SGIP1: variants seen among roughly 807,000 people sequenced by gnomAD.
SGIP1 encodes SH3-containing GRB2-like protein 3-interacting protein 1.
Under a neutral mutation model 107.5 loss-of-function variants are expected in SGIP1, and 38 were observed. The observed-to-expected ratio is 0.35, with a 90% CI of 0.27 to 0.46. The LOEUF (loss-of-function observed/expected upper bound fraction) is 0.46, where lower values mean the gene tolerates loss of function less well. SGIP1 is among the 20% of genes least tolerant of loss of function. The pLI, the probability that SGIP1 is intolerant of heterozygous loss-of-function variation, is 1.00. For missense variants in SGIP1, 929 were observed against 1,019.5 expected (o/e 0.91, Z 1.21); for synonymous variants, 365 against 366.1 (o/e 1.00, Z 0.03).
At chr1:66,543,413 T>C (rs1191368157) in intron 1 of SGIP1, among the ~76,000 whole-genome samples, 1 of 152,130 alleles carries the variant, frequency 6.6e-6, no homozygotes, top group Non-Finnish European at 1.5e-5. Context: ...CATTTTAGAG[T>C]TGCAGAAACC....
rs74085119 is a variant in SGIP1, at chr1:66,569,264, A to G, written c.10+34896A>G. 3.0e-3 allele frequency among the ~76,000 whole-genome samples: 453 copies of G among 152,010 alleles called. 4 individuals are homozygous for G. The highest frequency in any genetic ancestry group is 0.01 in the African/African-American group (435 of 41,512). On this transcript the variant is annotated intron_variant, in intron 1 of 24. Transcript: ENST00000371037. ...TAGAAAGGGCTTTGGTGCAATGTTG[A>G]AAGGGAGTAGTGAGAGAGAACATCC...
At chr1:66,645,877 G>T (rs11208935) in intron 7 of SGIP1, among the ~76,000 whole-genome samples, 1 of 152,122 alleles carries the variant, frequency 6.6e-6, no homozygotes, top group East Asian at 1.9e-4. Flanking sequence ...GTCTTGCTCC[G>T]TTGCTCAGGC....
intron 18 of SGIP1, among the ~76,000 whole-genome samples, chr1:66,706,183 A>AT (rs1158883169): frequency 6.6e-6 from 1 of 151,160 alleles, no homozygotes; most frequent in Non-Finnish European, 1.5e-5. Context: ...AAAATCTGAA[A>AT]TGTTTTTGTT....
chr1:66,692,730 C>T (rs2090139177), intron 17 of SGIP1, among the ~76,000 whole-genome samples: 1 of 152,174 alleles, frequency 6.6e-6, no homozygotes, highest in Non-Finnish European at 1.5e-5. Context: ...TCCTATGGTA[C>T]TTGAACCAAA....
chr1:66,736,029 T>C, intron 21 of SGIP1, among the ~76,000 whole-genome samples: 1 of 150,556 alleles, frequency 6.6e-6, no homozygotes, highest in East Asian at 1.9e-4. Flanking sequence ...CTCAATCAAA[T>C]GCTGGTTCTG....
At chr1:66,635,422 A>G (rs7546149) in intron 3 of SGIP1, among the ~76,000 whole-genome samples, 10,121 of 152,286 alleles carry the variant, frequency 0.066, 486 homozygotes, top group Non-Finnish European at 0.099. Flanking sequence ...CATCAGGGTC[A>G]TAGCCTTTGC....
chr1:66,673,216 A>G, intron 11 of SGIP1, 65 bp from the exon 12 acceptor site: 1 of 1,487,796 alleles, frequency 6.7e-7, no homozygotes, highest in Non-Finnish European at 9.4e-7. Context: ...GAAAGCTTGT[A>G]TATCTTTTTG....
chr1:66,542,770 CT>C (rs1350054087), intron 1 of SGIP1, among the ~76,000 whole-genome samples: 10 of 152,136 alleles, frequency 6.6e-5, no homozygotes, highest in African/African-American at 2.4e-4. Context: ...TAAGGAGGGA[CT>C]TTTGTGTTAC....
chr1:66,673,950 A>G (rs2084532784), intron 12 of SGIP1, among the ~76,000 whole-genome samples: 1 of 151,982 alleles, frequency 6.6e-6, no homozygotes, highest in Non-Finnish European at 1.5e-5. Context: ...GGATTGCTTG[A>G]GCCCAGGAGT....
chr1:66,749,891 A>G lies in SGIP1; in HGVS notation c.*6796A>G, dbSNP rs1219835187. Among the ~76,000 whole-genome samples, 1 of 152,136 alleles carries G rather than the reference A, an allele frequency of 6.6e-6. No homozygotes were observed. The highest frequency in any genetic ancestry group is 1.5e-5 in the Non-Finnish European group (1 of 67,990). On this transcript the variant is annotated 3_prime_UTR_variant, in exon 25 of 25. Transcript: ENST00000371037. ...GATTTTTTTCCCTTTTCAAGTTGCT[A>G]GAATGATAATTCATATAGCTGTGTT... is the stretch of plus-strand genomic sequence containing the variant.
chr1:66,600,386 A>G (rs1296692157), intron 1 of SGIP1, among the ~76,000 whole-genome samples: 1 of 152,142 alleles, frequency 6.6e-6, no homozygotes, highest in African/African-American at 2.4e-5. Flanking sequence ...AATGGAAGTC[A>G]TGTCAATGAA....
chr1:66,720,231 T>A (rs1190622922), intron 19 of SGIP1, among the ~76,000 whole-genome samples: 1 of 152,290 alleles, frequency 6.6e-6, no homozygotes, highest in East Asian at 1.9e-4. Flanking sequence ...CAAAGAGATT[T>A]GTAATCCAAA....
In SGIP1 at chr1:66,635,958, C is replaced by T. The variant is rs370685500; in HGVS notation, c.114C>T (p.His38=). 8.7e-6 allele frequency: 14 copies of T among 1,613,692 alleles called. No individual in the cohort carries two copies. In the African/African-American group the frequency reaches 9.3e-5, roughly 11 times the overall value. ...PDRDGIQPSP[H]EPPYNSKAEC... ...ATCAATTCCAGCAGCCCAGCCCACACGAACCACCCTACAATAGCAAAGCAG... is the reference window on the plus strand; with the variant it reads ...ATCAATTCCAGCAGCCCAGCCCACATGAACCACCCTACAATAGCAAAGCAG... Residue 38 remains histidine (H), a synonymous_variant, in exon 4 of 25, where the codon CAC becomes CAT. Coordinates refer to ENST00000371037, the MANE Select transcript of SGIP1 (RefSeq NM_032291.4).
chr1:66,615,867 A>C (rs2069169365), intron 1 of SGIP1: 1 of 152,198 alleles, frequency 6.6e-6, no homozygotes, highest in Non-Finnish European at 1.5e-5. Context: ...GTTCTAAGGG[A>C]ACAGGTCAAA....
At chr1:66,635,090 C>G (rs966286119) in intron 3 of SGIP1, among the ~76,000 whole-genome samples, 2 of 152,208 alleles carry the variant, frequency 1.3e-5, no homozygotes. Context: ...GGTGCACCTA[C>G]CTAATGCTTA....
chr1:66,736,934 G>A (rs1002506561), intron 21 of SGIP1, among the ~76,000 whole-genome samples: 1 of 151,844 alleles, frequency 6.6e-6, no homozygotes, highest in Non-Finnish European at 1.5e-5. Context: ...TTTCTTGTGA[G>A]AATAGTATAT....
intron 7 of SGIP1, among the ~76,000 whole-genome samples, chr1:66,647,463 G>T (rs2077854481): frequency 6.6e-6 from 1 of 152,126 alleles, no homozygotes; most frequent in South Asian, 2.1e-4. Flanking sequence ...AACATTCGGG[G>T]TTTTATTACT....
chr1:66,682,776 G>A (rs967819056), intron 15 of SGIP1, among the ~76,000 whole-genome samples: 6 of 147,916 alleles, frequency 4.1e-5, no homozygotes, highest in African/African-American at 1.5e-4. Flanking sequence ...GGGCCAATGT[G>A]TTATGTGTGT....
At chr1:66,729,120 AT>A (rs1485516473) in intron 19 of SGIP1, 143 bp from the exon 20 acceptor site, 2 of 947,178 alleles carry the variant, frequency 2.1e-6, no homozygotes, top group East Asian at 2.6e-5. Context: ...AAGTTAAAGT[AT>A]TTTTTAATGG....
Sources: gnomAD v4.1 joint callset for allele counts (sites outside exome capture counted in the v4.1 genomes callset) on GRCh38, gnomAD v4.1.1 for gene constraint, MANE v1.5 for transcripts, NCBI Gene and HGNC (gene_info 2026-07-23, HGNC 2026-07-21) for gene names.